Variants in IQSEC3 observed in about 807,000 individuals in gnomAD.
The protein encoded by IQSEC3 is IQ motif and SEC7 domain-containing protein 3.
Under a neutral mutation model 105.4 loss-of-function variants are expected in IQSEC3, and 50 were observed. The observed-to-expected ratio is 0.47, with a 90% confidence interval of 0.38 to 0.60. The LOEUF (loss-of-function observed/expected upper bound fraction) is 0.60. Among genes scored for constraint, IQSEC3 ranks in the 20% least tolerant of loss-of-function variants. The probability of loss-of-function intolerance (pLI) is 0.00; values close to 1 mark genes in which losing one functional copy is unlikely to be tolerated. For missense variants in IQSEC3, 1,415 were observed against 1,630.0 expected (o/e 0.87, Z 2.27); for synonymous variants, 708 against 746.0 (o/e 0.95, Z 0.83).
chr12:170,372 G>A (rs540811294), intron 12 of IQSEC3, among the ~76,000 whole-genome samples: 7 of 70,252 alleles, frequency 1.0e-4, no homozygotes, highest in East Asian at 0.018. Flanking sequence ...CCCCAGGGAC[G>A]TGTCCCTTAG....
intron 3 of IQSEC3, among the ~76,000 whole-genome samples, chr12:130,207 C>G (rs1865543033): frequency 6.6e-6 from 1 of 152,202 alleles, no homozygotes; most frequent in South Asian, 2.1e-4. Flanking sequence ...TGCCCACAGC[C>G]CAGTGGTGGG....
At chr12:169,775 A>C (rs1938873315) in intron 12 of IQSEC3, among the ~76,000 whole-genome samples, 1 of 152,214 alleles carries the variant, frequency 6.6e-6, no homozygotes, top group African/African-American at 2.4e-5. Context: ...ACCAGCCCCA[A>C]ATAAAGAGCA....
intron 1 of IQSEC3, among the ~76,000 whole-genome samples, chr12:91,038 G>A (rs1241358463): frequency 6.6e-6 from 1 of 152,102 alleles, no homozygotes; most frequent in Non-Finnish European, 1.5e-5. Context: ...GGAGCTCAAG[G>A]CAGCTCCTTT....
chr12:70,249 G>A (rs534019164), intron 1 of IQSEC3, among the ~76,000 whole-genome samples: 16 of 152,382 alleles, frequency 1.0e-4, no homozygotes, highest in Admixed American at 3.9e-4. Flanking sequence ...AATTCCAGGA[G>A]AGGCAGAAGC....
At chr12:98,327 G>C (rs781959253) in intron 1 of IQSEC3, among the ~76,000 whole-genome samples, 13 of 152,172 alleles carry the variant, frequency 8.5e-5, no homozygotes, top group African/African-American at 3.1e-4. Context: ...GAATCACCTG[G>C]GAGTTTATTA....
chr12:126,755 C>A (rs1321796816), intron 3 of IQSEC3, among the ~76,000 whole-genome samples: 1 of 152,188 alleles, frequency 6.6e-6, no homozygotes, highest in African/African-American at 2.4e-5. Context: ...AACTTTGAAT[C>A]ACCTCCAAGG....
Position 175,319 on chromosome 12 carries a change from A to C in IQSEC3, c.*286A>C. 28 of 403,544 alleles carry C rather than the reference A, an allele frequency of 6.9e-5. No individual in the cohort carries two copies. Among genetic ancestry groups the C allele is most frequent in the Non-Finnish European group, 8.4e-5 (19 of 226,336 alleles). The allele number at this position is 403,544 out of a possible 1,614,324, so 25.0% of individuals were successfully genotyped here. A position where few individuals can be genotyped will look rare whatever the true frequency, so the allele number is the denominator to read the frequency against. The stretch of plus-strand genomic sequence containing the variant: ...CTTCCCCTGGCCACCACTTTCCCCC[A>C]TTGGACCATGGACTGAAGAAAACGA... On this transcript the variant is annotated 3_prime_UTR_variant, in exon 14 of 14. Coordinates refer to ENST00000538872, the MANE Select transcript of IQSEC3 (RefSeq NM_001170738.2).
In IQSEC3 at chr12:165,807, G is replaced by A; in HGVS notation, c.2888G>A (p.Gly963Asp). The stretch of plus-strand genomic sequence containing the variant: ...CAGGTGCTGCATTTCTGTGCCCTGG[G>A]CTCGGACGAGATGCAGAAGTTCGTG... ...KKQVLHFCAL[G>D]SDEMQKFVED... The change falls in exon 11 of 14, where the codon GGC (glycine) becomes GAC (aspartate). Residue 963 changes from glycine (G) to aspartate (D), a missense_variant. Physicochemically the swap from Gly to Asp is moderately conservative, Grantham distance 94 (BLOSUM62 -1). Coordinates refer to ENST00000538872, the MANE Select transcript of IQSEC3 (RefSeq NM_001170738.2). 1 of 1,614,074 alleles carries A rather than the reference G, an allele frequency of 6.2e-7. No individual in the cohort carries two copies. The highest frequency in any genetic ancestry group is 8.5e-7 in the Non-Finnish European group (1 of 1,180,040).
At chr12:94,189 C>A (rs1864177692) in intron 1 of IQSEC3, among the ~76,000 whole-genome samples, 1 of 152,188 alleles carries the variant, frequency 6.6e-6, no homozygotes, top group African/African-American at 2.4e-5. Context: ...CTGATGTAGG[C>A]ACTAGGGACT....
intron 2 of IQSEC3, chr12:111,893 G>C (rs1228836115): frequency 6.6e-6 from 1 of 152,198 alleles, no homozygotes; most frequent in Non-Finnish European, 1.5e-5. Flanking sequence ...CCAGAGAACA[G>C]CGAAAGTGAG....
At chr12:163,364 C>T (rs547419162) in intron 8 of IQSEC3, 130 bp from the exon 9 acceptor site, 1 of 524,432 alleles carries the variant, frequency 1.9e-6, no homozygotes, top group Admixed American at 4.1e-5. Flanking sequence ...GGACCCCTCC[C>T]CTCTCCTCCC....
At position 120,512 on chromosome 12, in the gene IQSEC3, C is replaced by T. The variant is rs528082533; in HGVS notation, c.624-5121C>T. ...TGCGGAAATCAGCTCTGAGGATAGA[C>T]AGGCTGTGGTGGCCACTGGAACCCC... On this transcript the variant is annotated intron_variant, in intron 2 of 13. Coordinates refer to ENST00000538872, the MANE Select transcript of IQSEC3 (RefSeq NM_001170738.2). Among the ~76,000 whole-genome samples, 17 of 152,232 alleles carry T rather than the reference C, an allele frequency of 1.1e-4. No individual in the cohort carries two copies. In the South Asian group the frequency reaches 3.5e-3, roughly 32 times the overall value.
intron 1 of IQSEC3, among the ~76,000 whole-genome samples, chr12:75,940 G>C (rs1863502647): frequency 6.6e-6 from 1 of 152,244 alleles, no homozygotes; most frequent in Non-Finnish European, 1.5e-5. Flanking sequence ...GGGGTGAGGA[G>C]AAGACTGCCC....
Position 125,769 on chromosome 12 carries a change from G to C in IQSEC3, c.760G>C (p.Gly254Arg). The change falls in exon 3 of 14, where the codon GGG becomes CGG. Residue 254 changes from glycine to arginine, a missense_variant. By Grantham distance (125) the Gly-to-Arg change is moderately radical. Coordinates refer to ENST00000538872, the MANE Select transcript of IQSEC3 (RefSeq NM_001170738.2). ...QELQEEEERPGAGAASPRAGP... is the reference protein window; with the variant it reads ...QELQEEEERPRAGAASPRAGP... ...GCTGCAGGAGGAGGAGGAGCGGCCG[G>C]GGGCAGGGGCTGCCTCCCCAAGGGC... 3.3e-6 allele frequency: 5 copies of C among 1,512,098 alleles called. No individual in the cohort carries two copies. Among genetic ancestry groups the C allele is most frequent in the Non-Finnish European group, 3.5e-6 (4 of 1,137,182 alleles). 93.7% of individuals were successfully genotyped at this position (1,512,098 alleles called of 1,614,324 possible).
At position 169,115 on chromosome 12, in the gene IQSEC3, G is replaced by A. The variant is rs781810195; in HGVS notation, c.3064+10G>A. 5 of 1,612,784 alleles carry A rather than the reference G, an allele frequency of 3.1e-6. No homozygotes were observed. Among genetic ancestry groups the A allele is most frequent in the South Asian group, 1.1e-5 (1 of 91,062 alleles). On this transcript the variant is annotated intron_variant, in intron 12 of 13. Transcript: ENST00000538872. Reference sequence around the variant, plus strand: ...CAAGGATCGCCGACAGGTGAGCCTCGGCTCCGCTCAGGGCACCAGTCCCCA... The same window carrying A: ...CAAGGATCGCCGACAGGTGAGCCTCAGCTCCGCTCAGGGCACCAGTCCCCA...
intron 4 of IQSEC3, chr12:139,665 A>G (rs1565428200): frequency 6.5e-6 from 2 of 308,332 alleles, no homozygotes; most frequent in East Asian, 5.2e-5. Flanking sequence ...ATGTAAAAGA[A>G]AAGACAGTAT....
chr12:81,272 C>A (rs1039278464), intron 1 of IQSEC3, among the ~76,000 whole-genome samples: 1 of 152,098 alleles, frequency 6.6e-6, no homozygotes, highest in African/African-American at 2.4e-5. Flanking sequence ...CATTGGAGTC[C>A]GTTAGGAAGT....
intron 1 of IQSEC3, among the ~76,000 whole-genome samples, chr12:69,739 C>A (rs1464078297): frequency 6.6e-6 from 1 of 152,268 alleles, no homozygotes; most frequent in East Asian, 1.9e-4. Flanking sequence ...TTTCTTTCCC[C>A]ACAGTGGCCC....
intron 4 of IQSEC3, 31 bp from the exon 5 acceptor site, chr12:141,093 C>T (rs782135354): frequency 6.4e-7 from 1 of 1,573,724 alleles, no homozygotes; most frequent in Non-Finnish European, 8.7e-7. Context: ...TCAGCTCACT[C>T]TCTACTGCTT....
Sources: gnomAD v4.1 joint callset for allele counts (sites outside exome capture counted in the v4.1 genomes callset) on GRCh38, gnomAD v4.1.1 for gene constraint, MANE v1.5 for transcripts, NCBI Gene and HGNC (gene_info 2026-07-23, HGNC 2026-07-21) for gene names.